Variants in MN1 observed in about 807,000 individuals in gnomAD.
MN1 encodes the protein MN1 proto-oncogene, transcriptional regulator.
Under a neutral mutation model 86.9 loss-of-function variants are expected in MN1, and 19 were observed. The observed-to-expected ratio is 0.22, with a 90% CI of 0.15 to 0.32. The LOEUF is 0.32. Among genes scored for constraint, MN1 ranks in the 10% least tolerant of loss-of-function variants. The probability of loss-of-function intolerance (pLI) is 1.00; values close to 1 mark genes in which losing one functional copy is unlikely to be tolerated. For missense variants in MN1, 1,841 were observed against 1,862.0 expected (o/e 0.99, Z 0.21); for synonymous variants, 928 against 849.6 (o/e 1.09, Z -1.60).
chr22:27,764,001 C>G (rs909579551), intron 1 of MN1, among the ~76,000 whole-genome samples: 3 of 152,122 alleles, frequency 2.0e-5, no homozygotes, highest in Non-Finnish European at 2.9e-5. Context: ...CCTTCCAAAG[C>G]AAGAGACTGG....
At chr22:27,775,827 G>C (rs141517509) in intron 1 of MN1, among the ~76,000 whole-genome samples, 1 of 152,182 alleles carries the variant, frequency 6.6e-6, no homozygotes, top group African/African-American at 2.4e-5. Flanking sequence ...GCTCAGCTCC[G>C]CTCTCTCCCC....
intron 1 of MN1, among the ~76,000 whole-genome samples, chr22:27,795,853 C>T (rs986357067): frequency 3.3e-5 from 5 of 152,128 alleles, no homozygotes; most frequent in African/African-American, 7.2e-5. Context: ...GAATGGCAGC[C>T]CATTTACTAA....
chr22:27,799,594 A>G lies in MN1; in HGVS notation c.950T>C (p.Phe317Ser). The G allele has an allele frequency of 6.5e-7, 1 of 1,527,706 alleles. No homozygotes were observed. Among genetic ancestry groups the G allele is most frequent in the Non-Finnish European group, 8.8e-7 (1 of 1,135,706 alleles). The allele number at this position is 1,527,706 out of a possible 1,614,324, so 94.6% of individuals were successfully genotyped here. Reference sequence around the variant, plus strand: ...CACAGGCATCTTTCTGGCCCCACTGAACCTCTCAAAGAACACACCATGCTG... The same window carrying G: ...CACAGGCATCTTTCTGGCCCCACTGGACCTCTCAAAGAACACACCATGCTG... ...QQQHGVFFER[F>S]SGARKMPVGL... The change falls in exon 1 of 2, where the codon TTC becomes TCC. Residue 317 changes from phenylalanine to serine, a missense_variant. Transcript: ENST00000302326.
intron 1 of MN1, among the ~76,000 whole-genome samples, chr22:27,775,103 G>A (rs1246394308): frequency 2.6e-5 from 4 of 152,182 alleles, no homozygotes; most frequent in South Asian, 2.1e-4. Context: ...GCCATATGTC[G>A]GCTGTGCTCT....
At chr22:27,763,369 CA>C (rs1204444962) in intron 1 of MN1, among the ~76,000 whole-genome samples, 2 of 152,174 alleles carry the variant, frequency 1.3e-5, no homozygotes, top group African/African-American at 4.8e-5. Context: ...CATAAGTTCC[CA>C]CGCACTGCTT....
intron 1 of MN1, among the ~76,000 whole-genome samples, chr22:27,761,762 C>T (rs780889308): frequency 4.3e-4 from 65 of 152,226 alleles, no homozygotes; most frequent in Non-Finnish European, 8.2e-4. Context: ...AGGCCTCGCG[C>T]CGGCCGCTGC....
rs117883084 is a variant in MN1, at chr22:27,753,940, C to T, written c.3782-2844G>A. On this transcript the variant is annotated intron_variant, in intron 1 of 1. Transcript: ENST00000302326. ...TGGGGTGGGGTGAGGGAAGTAGTAC[C>T]TGCCACAGAGAGAGAGAAAGAGAGA... Among the ~76,000 whole-genome samples, 523 of 152,244 alleles carry T rather than the reference C, an allele frequency of 3.4e-3. 22 individuals carry two copies. The East Asian group carries it at 0.084, about 24-fold the overall frequency.
At chr22:27,792,871 T>G (rs1237475678) in intron 1 of MN1, among the ~76,000 whole-genome samples, 1 of 152,172 alleles carries the variant, frequency 6.6e-6, no homozygotes, top group Non-Finnish European at 1.5e-5. Context: ...TGCTTTGCTC[T>G]GAGGCTAGGA....
chr22:27,762,612 C>T (rs570115976), intron 1 of MN1, among the ~76,000 whole-genome samples: 173 of 152,224 alleles, frequency 1.1e-3, no homozygotes, highest in African/African-American at 4.0e-3. Context: ...CCAAGATTCA[C>T]CCACATAGTG....
chr22:27,763,773 A>G (rs1932850052), intron 1 of MN1, among the ~76,000 whole-genome samples: 2 of 152,214 alleles, frequency 1.3e-5, no homozygotes, highest in Non-Finnish European at 1.5e-5. Context: ...ACCACCTTCC[A>G]GAGCTCCCAC....
At chr22:27,755,117 G>A (rs2146293474) in intron 1 of MN1, among the ~76,000 whole-genome samples, 1 of 152,306 alleles carries the variant, frequency 6.6e-6, no homozygotes, top group East Asian at 1.9e-4. Flanking sequence ...AGCTCTGGTG[G>A]TGTGGCTCTC....
intron 1 of MN1, among the ~76,000 whole-genome samples, chr22:27,774,988 C>A (rs1033465155): frequency 6.6e-6 from 1 of 152,200 alleles, no homozygotes; most frequent in African/African-American, 2.4e-5. Context: ...AGGTGGGAGG[C>A]CCCAGTTCTG....
chr22:27,783,425 C>T (rs534080372), intron 1 of MN1, among the ~76,000 whole-genome samples: 1 of 152,296 alleles, frequency 6.6e-6, no homozygotes, highest in South Asian at 2.1e-4. Flanking sequence ...AGACACCGTG[C>T]CCGGCCCTGT....
At position 27,765,203 on chromosome 22, in the gene MN1, C is replaced by T. The variant is rs1489187097; in HGVS notation, c.3782-14107G>A. On this transcript the variant is annotated intron_variant, in intron 1 of 1. Coordinates refer to ENST00000302326, the MANE Select transcript of MN1 (RefSeq NM_002430.3). ...AGGTGATGTCACTTGTCCAAGTTCGCATAAGAGGAGGTTGCAAGCCAGGCA... is the reference window on the plus strand; with the variant it reads ...AGGTGATGTCACTTGTCCAAGTTCGTATAAGAGGAGGTTGCAAGCCAGGCA... Among the ~76,000 whole-genome samples the T allele has an allele frequency of 3.3e-5, 5 of 152,194 alleles. No homozygotes were observed. The East Asian group carries it at 9.6e-4, about 29-fold the overall frequency.
At chr22:27,762,493 G>A (rs995739006) in intron 1 of MN1, among the ~76,000 whole-genome samples, 3 of 152,050 alleles carry the variant, frequency 2.0e-5, no homozygotes, top group South Asian at 2.1e-4. Context: ...TGGTAATACC[G>A]GTAATGCTGG....
chr22:27,783,094 C>T (rs1314009480), intron 1 of MN1, among the ~76,000 whole-genome samples: 2 of 151,992 alleles, frequency 1.3e-5, no homozygotes, highest in African/African-American at 4.8e-5. Context: ...ACAAGGGTTG[C>T]CATCACCAAC....
chr22:27,801,246 C>G lies in MN1; in HGVS notation c.-703G>C, dbSNP rs45523635. On this transcript the variant is annotated 5_prime_UTR_variant, in exon 1 of 2. Transcript: ENST00000302326. ...CCGGTGCCGGCCCCCGAGCCGAGGA[C>G]GCAGAGGGGCTGCGAGGCGGCAGGC... The G allele has an allele frequency of 2.1e-3, 464 of 221,270 alleles. 1 individual carries two copies. Among genetic ancestry groups the G allele is most frequent in the African/African-American group, 0.01 (452 of 44,644 alleles). The allele number at this position is 221,270 out of a possible 1,614,324, so 13.7% of individuals were successfully genotyped here.
intron 1 of MN1, among the ~76,000 whole-genome samples, chr22:27,775,835 C>CCCGAATGGAATGGCA (rs1400473475): frequency 6.6e-6 from 1 of 152,202 alleles, no homozygotes; most frequent in Non-Finnish European, 1.5e-5. Flanking sequence ...CCGCTCTCTC[C>CCCGAATGGAATGGCA]CCGAATGGAA....
In MN1 at chr22:27,749,649, G is replaced by C. The variant is rs1172763537; in HGVS notation, c.*1266C>G. The C allele has an allele frequency of 4.3e-6, 1 of 231,824 alleles. No individual in the cohort carries two copies. The highest frequency in any genetic ancestry group is 8.5e-6 in the Non-Finnish European group (1 of 117,242). 14.4% of individuals were successfully genotyped at this position (231,824 alleles called of 1,614,324 possible). A position where few individuals can be genotyped will look rare whatever the true frequency, so the allele number is the denominator to read the frequency against. The stretch of plus-strand genomic sequence containing the variant: ...AGATTCCAAAAAAATGTTGGGGAGG[G>C]GGCAGAGGAATTCCAGAGTTCAAAA... On this transcript the variant is annotated 3_prime_UTR_variant, in exon 2 of 2. Transcript: ENST00000302326.
Sources: allele counts gnomAD v4.1 joint callset (sites outside exome capture counted in the v4.1 genomes callset), GRCh38; gene constraint gnomAD v4.1.1; transcripts MANE v1.5; gene names NCBI Gene and HGNC (gene_info 2026-07-23, HGNC 2026-07-21).